ACSL6: variants seen among roughly 807,000 people sequenced by gnomAD.
The protein encoded by ACSL6 is acyl-CoA synthetase long chain family member 6.
Under a neutral mutation model 98.2 loss-of-function variants are expected in ACSL6, and 47 were observed. The observed-to-expected ratio is 0.48, with a 90% CI of 0.38 to 0.61. The LOEUF (loss-of-function observed/expected upper bound fraction) is 0.61, where lower values mean the gene tolerates loss of function less well. Among genes scored for constraint, ACSL6 ranks in the 20% least tolerant of loss-of-function variants. The probability of loss-of-function intolerance (pLI) is 0.00; values close to 1 mark genes in which losing one functional copy is unlikely to be tolerated. For missense variants in ACSL6, 761 were observed against 913.4 expected, an observed-to-expected ratio of 0.83 and a Z score of 2.15; for synonymous variants, 362 against 336.9, an observed-to-expected ratio of 1.07 and a Z score of -0.82.
At chr5:131,982,055 A>C (rs1753925667) in intron 9 of ACSL6, 1 of 146,264 alleles carries the variant, frequency 6.8e-6, no homozygotes, top group Admixed American at 6.8e-5. Flanking sequence ...ACAGGGTTTC[A>C]CCATGTTAGC....
chr5:131,950,522 G>A lies in ACSL6; in HGVS notation c.*3712C>T, dbSNP rs529949981. On this transcript the variant is annotated 3_prime_UTR_variant, in exon 21 of 21. Transcript: ENST00000651883. ...TAAATGCTTCCTTAAAATTAAAACC[G>A]GCAAGGAAATACAGCCAATTTATAG... 2.1e-4 allele frequency: 42 copies of A among 202,430 alleles called. No homozygotes were observed. The highest frequency in any genetic ancestry group is 9.0e-4 in the Admixed American group (15 of 16,684). 12.5% of individuals were successfully genotyped at this position (202,430 alleles called of 1,614,324 possible).
chr5:132,002,912 C>T (rs1156852754), intron 1 of ACSL6, among the ~76,000 whole-genome samples: 3 of 152,152 alleles, frequency 2.0e-5, no homozygotes, highest in Non-Finnish European at 4.4e-5. Context: ...CTCATGCCTT[C>T]AGAGTCACAG....
At position 131,962,655 on chromosome 5, in the gene ACSL6, A is replaced by G; in HGVS notation, c.1737T>C (p.Asp579=). ...CAAGTTTAAATATATGCTTTTTCCG[A>G]TCAATAATTTTAAGAGTTCCTGCCT... The part of the protein sequence containing the change: ...WLPAGTLKII[D]RKKHIFKLAQ... The change falls in exon 18 of 21, where the codon GAT becomes GAC. Residue 579 remains aspartate (D), a synonymous_variant. Transcript: ENST00000651883. 6.2e-7 allele frequency: 1 copy of G among 1,614,016 alleles called. No homozygotes were observed. Among genetic ancestry groups the G allele is most frequent in the Non-Finnish European group, 8.5e-7 (1 of 1,179,968 alleles).
chr5:131,995,763 T>G (rs1256848849), intron 1 of ACSL6, among the ~76,000 whole-genome samples: 1 of 152,220 alleles, frequency 6.6e-6, no homozygotes, highest in African/African-American at 2.4e-5. Context: ...TGTAATTCCT[T>G]CTCCTTCTCT....
chr5:132,011,349 G>T lies in ACSL6; in HGVS notation c.49+156C>A. On this transcript the variant is annotated intron_variant, in intron 1 of 20. Transcript: ENST00000651883. This position sits in a 1 kb window ranked among gnomAD's most constrained non-coding sequence, Gnocchi z 5.4. ...GAGCCCGCGAGAACTGGGGGCGGAG[G>T]GTGTACTTAGGCGGCCCTGGGGACC... 1 of 746,862 alleles carries T rather than the reference G, an allele frequency of 1.3e-6. No individual in the cohort carries two copies. Among genetic ancestry groups the T allele is most frequent in the Non-Finnish European group, 2.2e-6 (1 of 446,344 alleles). 46.3% of individuals were successfully genotyped at this position (746,862 alleles called of 1,614,324 possible). A position where few individuals can be genotyped will look rare whatever the true frequency, so the allele number is the denominator to read the frequency against.
rs541362087 is a variant in ACSL6 at position 131,955,329 on chromosome 5, A to G, written c.2032-958T>C. ...GGTTTTGTTTGAAAACTCTTTCAGT[A>G]TGCTTGACATTCAAAGAAGCACAGA... On this transcript the variant is annotated intron_variant, in intron 20 of 20. Coordinates refer to ENST00000651883, the MANE Select transcript of ACSL6 (RefSeq NM_001009185.3). Among the ~76,000 whole-genome samples the G allele has an allele frequency of 7.2e-5, 11 of 152,342 alleles. No individual in the cohort carries two copies. In the East Asian group the frequency reaches 2.1e-3, roughly 29 times the overall value.
intron 19 of ACSL6, among the ~76,000 whole-genome samples, chr5:131,960,004 C>T (rs6893829): frequency 0.027 from 4,047 of 152,254 alleles, 190 homozygotes; most frequent in African/African-American, 0.092. Context: ...TGGCGACCTC[C>T]TCCACAGAGT....
At chr5:131,983,537 G>A (rs1284742235) in intron 9 of ACSL6, 1 of 152,246 alleles carries the variant, frequency 6.6e-6, no homozygotes, top group Non-Finnish European at 1.5e-5. Flanking sequence ...ACATTTAAGG[G>A]AAGCTGTATC....
At chr5:131,966,643 T>G in intron 16 of ACSL6, 111 bp from the exon 17 acceptor site, 1 of 901,240 alleles carries the variant, frequency 1.1e-6, no homozygotes, top group Non-Finnish European at 1.8e-6. Context: ...GGAAAGCCAC[T>G]GTGGATATGG....
Position 131,951,050 on chromosome 5 carries a change from C to T in ACSL6, c.*3184G>A, listed in dbSNP as rs1007539379. ...GGGAAGTCTCAATATTATATAAAGA[C>T]ATCTTCCACAGCAAAAGGAAAAACA... On this transcript the variant is annotated 3_prime_UTR_variant, in exon 21 of 21. Transcript: ENST00000651883. The T allele has an allele frequency of 5.1e-6, 1 of 196,964 alleles. No individual in the cohort carries two copies. The highest frequency in any genetic ancestry group is 1.1e-5 in the Non-Finnish European group (1 of 95,050). The allele number at this position is 196,964 out of a possible 1,614,324, so 12.2% of individuals were successfully genotyped here. A position where few individuals can be genotyped will look rare whatever the true frequency, so the allele number is the denominator to read the frequency against.
chr5:131,962,821 G>A, intron 17 of ACSL6, 143 bp from the exon 18 acceptor site: 1 of 931,612 alleles, frequency 1.1e-6, no homozygotes. Context: ...CTGCTCTTAG[G>A]GAGCTGCAGG....
intron 17 of ACSL6, 137 bp from the exon 18 acceptor site, chr5:131,962,815 T>C: frequency 9.9e-7 from 1 of 1,010,692 alleles, no homozygotes; most frequent in East Asian, 2.5e-5. Flanking sequence ...TTGTGTCTGC[T>C]CTTAGGGAGC....
chr5:131,990,943 C>G lies in ACSL6; in HGVS notation c.295G>C (p.Val99Leu), dbSNP rs745824731. ...AGTAGCTGAGGGCCAGACCCAATCA[C>G]AGATCGCCGTGCCCCGCCACTGTCC... Reference protein sequence around the residue: ...VEDSGGARRSVIGSGPQLLTH... With the variant: ...VEDSGGARRSLIGSGPQLLTH... Residue 99 changes from valine (V) to leucine (L), a missense_variant, in exon 3 of 21, where the codon GTG (valine) becomes CTG (leucine). Physicochemically the swap from Val to Leu is conservative, Grantham distance 32. Transcript: ENST00000651883. 2 of 1,613,892 alleles carry G rather than the reference C, an allele frequency of 1.2e-6. No homozygotes were observed.
chr5:131,977,055 C>T (rs954609976), intron 9 of ACSL6, among the ~76,000 whole-genome samples: 2 of 152,148 alleles, frequency 1.3e-5, no homozygotes, highest in African/African-American at 2.4e-5. Context: ...CTGTCAGCCC[C>T]GAGTCCCCTT....
chr5:131,963,214 C>A (rs1426147532), intron 17 of ACSL6, among the ~76,000 whole-genome samples: 1 of 152,212 alleles, frequency 6.6e-6, no homozygotes, highest in African/African-American at 2.4e-5. Flanking sequence ...CCAGATGGCA[C>A]TAGGAGCCCA....
chr5:132,005,203 G>A (rs1323519934), intron 1 of ACSL6, among the ~76,000 whole-genome samples: 1 of 152,170 alleles, frequency 6.6e-6, no homozygotes, highest in Non-Finnish European at 1.5e-5. Context: ...TGTCCTCAGA[G>A]AATCACATCC....
intron 19 of ACSL6, 99 bp downstream of exon 19, chr5:131,960,421 G>C: frequency 1.1e-6 from 1 of 894,450 alleles, no homozygotes; most frequent in South Asian, 2.2e-5. Context: ...AATTTCGTAC[G>C]AGCTCGAATT....
intron 1 of ACSL6, chr5:132,006,661 G>A (rs1216519304): frequency 1.3e-5 from 2 of 152,242 alleles, no homozygotes; most frequent in Non-Finnish European, 2.9e-5. Flanking sequence ...TCAGGTGACT[G>A]GAACCTTGGA....
chr5:131,971,705 C>T (rs922923111), intron 13 of ACSL6, 60 bp from the exon 14 acceptor site: 7 of 1,447,092 alleles, frequency 4.8e-6, no homozygotes, highest in Non-Finnish European at 2.8e-6. Context: ...TCCAGTCCAT[C>T]TGGGTTTCAT....
Sources: allele counts gnomAD v4.1 joint callset (sites outside exome capture counted in the v4.1 genomes callset), GRCh38; gene constraint gnomAD v4.1.1; non-coding constraint Gnocchi (gnomAD v3.1); transcripts MANE v1.5; gene names NCBI Gene and HGNC (gene_info 2026-07-23, HGNC 2026-07-21).